The following CYP2C19 variants were observed in gnomAD, a reference collection of about 807,000 sequenced individuals.
CYP2C19 encodes cytochrome P450 2C19.
Under a neutral mutation model 40.9 loss-of-function variants are expected in CYP2C19, and 59 were observed. The observed-to-expected ratio is 1.44, with a 90% CI of 1.17 to 1.79. CYP2C19 has a LOEUF of 1.79. CYP2C19 is among the 40% of genes most tolerant of loss of function. The pLI is 0.00. For missense variants in CYP2C19, 754 were observed against 596.9 expected, an observed-to-expected ratio of 1.26 and a Z score of -2.74; for synonymous variants, 253 against 208.7, an observed-to-expected ratio of 1.21 and a Z score of -1.83.
At chr10:94,782,639 T>A (rs1034848831) in intron 5 of CYP2C19, among the ~76,000 whole-genome samples, 1 of 152,176 alleles carries the variant, frequency 6.6e-6, no homozygotes, top group African/African-American at 2.4e-5. Flanking sequence ...TAAATTATTC[T>A]ATTATAAAGA....
At chr10:94,844,412 G>A (rs1849542586) in intron 7 of CYP2C19, among the ~76,000 whole-genome samples, 1 of 151,906 alleles carries the variant, frequency 6.6e-6, no homozygotes, top group Non-Finnish European at 1.5e-5. Context: ...GCTCTCTGAG[G>A]TTCTCCTACC....
intron 6 of CYP2C19, among the ~76,000 whole-genome samples, chr10:94,822,299 C>G (rs1270143010): frequency 6.6e-6 from 1 of 152,122 alleles, no homozygotes; most frequent in Non-Finnish European, 1.5e-5. Flanking sequence ...GACTTATTTA[C>G]TATCACAAGA....
chr10:94,831,274 G>A (rs1406414839), intron 6 of CYP2C19, among the ~76,000 whole-genome samples: 1 of 151,992 alleles, frequency 6.6e-6, no homozygotes, highest in Non-Finnish European at 1.5e-5. Flanking sequence ...TTATACATTT[G>A]TCTGTTGATG....
At chr10:94,803,369 G>A (rs2134254709) in intron 5 of CYP2C19, among the ~76,000 whole-genome samples, 1 of 152,258 alleles carries the variant, frequency 6.6e-6, no homozygotes, top group Admixed American at 6.5e-5. Context: ...GGCCTGTGCA[G>A]TTTGACATAC....
chr10:94,768,722 A>G (rs1349855835), intron 1 of CYP2C19, among the ~76,000 whole-genome samples: 1 of 152,082 alleles, frequency 6.6e-6, no homozygotes, highest in Non-Finnish European at 1.5e-5. Flanking sequence ...CTACAACATC[A>G]ATTTCCTTAC....
intron 5 of CYP2C19, among the ~76,000 whole-genome samples, chr10:94,799,079 G>A (rs995687691): frequency 4.6e-5 from 7 of 152,046 alleles, no homozygotes; most frequent in East Asian, 1.9e-4. Context: ...GTTAGTTGAT[G>A]CAGTTTTTTT....
chr10:94,824,336 T>C (rs369901873), intron 6 of CYP2C19, among the ~76,000 whole-genome samples: 1 of 152,174 alleles, frequency 6.6e-6, no homozygotes, highest in Non-Finnish European at 1.5e-5. Flanking sequence ...TAAAAAATTA[T>C]TAAATATAAT....
At chr10:94,827,156 TCAG>T (rs2134274227) in intron 6 of CYP2C19, among the ~76,000 whole-genome samples, 1 of 151,780 alleles carries the variant, frequency 6.6e-6, no homozygotes, top group Admixed American at 6.6e-5. Flanking sequence ...GGCTTTGGTA[TCAG>T]AATGATGCTG....
At chr10:94,822,746 C>A (rs1227801407) in intron 6 of CYP2C19, among the ~76,000 whole-genome samples, 2 of 152,060 alleles carry the variant, frequency 1.3e-5, no homozygotes, top group Non-Finnish European at 2.9e-5. Flanking sequence ...TGTTTTTGGA[C>A]TTTTTAATAT....
intron 5 of CYP2C19, among the ~76,000 whole-genome samples, chr10:94,799,492 T>C (rs1448228271): frequency 1.3e-5 from 2 of 152,300 alleles, no homozygotes; most frequent in Non-Finnish European, 2.9e-5. Context: ...GGGGTTGCTC[T>C]TCTCGAGGAG....
At chr10:94,842,562 TCTTC>T (rs1210768656) in intron 6 of CYP2C19, among the ~76,000 whole-genome samples, 4 of 152,158 alleles carry the variant, frequency 2.6e-5, no homozygotes, top group African/African-American at 4.8e-5. Flanking sequence ...TGTGGGCTTC[TCTTC>T]CTTCTTTCAT....
intron 6 of CYP2C19, among the ~76,000 whole-genome samples, chr10:94,826,978 A>G (rs1849236206): frequency 1.3e-5 from 2 of 152,104 alleles, no homozygotes; most frequent in Non-Finnish European, 2.9e-5. Context: ...TGATTTGCGT[A>G]TATTGAACCA....
intron 5 of CYP2C19, among the ~76,000 whole-genome samples, chr10:94,807,699 C>T (rs185722054): frequency 2.0e-4 from 30 of 152,098 alleles, no homozygotes; most frequent in Admixed American, 7.9e-4. Flanking sequence ...TGGGAGACGC[C>T]TGTTCAGTTT....
intron 6 of CYP2C19, among the ~76,000 whole-genome samples, chr10:94,829,792 A>G (rs554764981): frequency 1.3e-5 from 2 of 151,092 alleles, no homozygotes; most frequent in Non-Finnish European, 2.9e-5. Context: ...GGTTTTATCT[A>G]CTTTTGGTCT....
At chr10:94,770,271 G>A (rs2134232675) in intron 1 of CYP2C19, among the ~76,000 whole-genome samples, 1 of 152,270 alleles carries the variant, frequency 6.6e-6, no homozygotes, top group East Asian at 1.9e-4. Flanking sequence ...GGGGAAGTGT[G>A]CCTTCCAGTG....
chr10:94,830,123 G>T (rs912182694), intron 6 of CYP2C19, among the ~76,000 whole-genome samples: 3 of 152,192 alleles, frequency 2.0e-5, no homozygotes, highest in Admixed American at 1.3e-4. Context: ...TCTGTGCCCT[G>T]CCCCCAGAGG....
Position 94,854,674 on chromosome 10 carries a change from AAT to A in CYP2C19, c.*1769_*1770del, listed in dbSNP as rs1011263945. On this transcript the variant is annotated 3_prime_UTR_variant, in exon 9 of 9. Coordinates refer to ENST00000371321, the MANE Select transcript of CYP2C19 (RefSeq NM_000769.4). ...GTGTACATTATGTGCATTCACACAT[AAT>A]ATATATATGTATAACTTATGCACAC... 2.0e-5 allele frequency among the ~76,000 whole-genome samples: 3 copies of A among 151,754 alleles called. No individual in the cohort carries two copies. Among genetic ancestry groups the A allele is most frequent in the Non-Finnish European group, 2.9e-5 (2 of 67,982 alleles).
intron 6 of CYP2C19, among the ~76,000 whole-genome samples, chr10:94,836,212 A>T (rs184143229): frequency 2.4e-4 from 36 of 152,342 alleles, no homozygotes; most frequent in Non-Finnish European, 5.9e-5. Flanking sequence ...ATGGATGCCC[A>T]CACAGTAAGA....
At chr10:94,834,226 A>G (rs1849368296) in intron 6 of CYP2C19, among the ~76,000 whole-genome samples, 1 of 152,116 alleles carries the variant, frequency 6.6e-6, no homozygotes, top group Non-Finnish European at 1.5e-5. Flanking sequence ...GTTCAATCTC[A>G]ATAGGTCATA....
Sources: allele counts gnomAD v4.1 joint callset (sites outside exome capture counted in the v4.1 genomes callset), GRCh38; gene constraint gnomAD v4.1.1; transcripts MANE v1.5; gene names NCBI Gene and HGNC (gene_info 2026-07-23, HGNC 2026-07-21).